Variants in VTCN1 observed in about 807,000 individuals in gnomAD.
VTCN1 encodes the protein V-set domain-containing T-cell activation inhibitor 1.
Under a neutral mutation model 26.5 loss-of-function variants are expected in VTCN1, and 26 were observed. The ratio of observed to expected loss-of-function variants is 0.98; its 90% CI spans 0.72 to 1.36. VTCN1 has a LOEUF of 1.36. VTCN1 is among the 40% of genes most tolerant of loss of function. VTCN1 has a pLI of 0.00. For missense variants in VTCN1, 298 were observed against 337.7 expected (o/e 0.88, Z 0.92); for synonymous variants, 116 against 130.7 (o/e 0.89, Z 0.77).
chr1:117,207,069 G>T (rs114957881), intron 1 of VTCN1, among the ~76,000 whole-genome samples: 3,165 of 152,218 alleles, frequency 0.021, 52 homozygotes, highest in South Asian at 0.036. Flanking sequence ...CCATGGTGTT[G>T]CGAGGCACTG....
In VTCN1 at chr1:117,174,537, C is replaced by T. The variant is rs565921056; in HGVS notation, c.33-4366G>A. ...ATCCCAGCACTTTGGGAGGCCGAGG[C>T]GGGCGGATTACCTGAGGTCAGGAGT... is the stretch of plus-strand genomic sequence containing the variant. On this transcript the variant is annotated intron_variant, in intron 1 of 5. Coordinates refer to ENST00000369458, the MANE Select transcript of VTCN1 (RefSeq NM_024626.4). Among the ~76,000 whole-genome samples the T allele has an allele frequency of 1.2e-3, 180 of 152,280 alleles. 1 individual carries two copies. The highest frequency in any genetic ancestry group is 2.2e-3 in the Non-Finnish European group (153 of 68,024).
At chr1:117,203,240 C>T (rs1648875576) in intron 1 of VTCN1, among the ~76,000 whole-genome samples, 1 of 151,016 alleles carries the variant, frequency 6.6e-6, no homozygotes, top group Admixed American at 6.6e-5. Flanking sequence ...TCATCTGAGG[C>T]TGGGGTGGGG....
chr1:117,158,347 G>A (rs1033037168), intron 2 of VTCN1, among the ~76,000 whole-genome samples: 2 of 152,210 alleles, frequency 1.3e-5, no homozygotes, highest in African/African-American at 4.8e-5. Flanking sequence ...TGAAATCTAG[G>A]TGGAGGTTCG....
intron 3 of VTCN1, among the ~76,000 whole-genome samples, chr1:117,156,198 T>G (rs551576938): frequency 6.6e-6 from 1 of 152,224 alleles, no homozygotes; most frequent in Non-Finnish European, 1.5e-5. Flanking sequence ...CTCACTGTCA[T>G]GAGTCTCTGA....
At chr1:117,207,542 A>AC (rs1357454522) in intron 1 of VTCN1, among the ~76,000 whole-genome samples, 1 of 151,464 alleles carries the variant, frequency 6.6e-6, no homozygotes, top group Non-Finnish European at 1.5e-5. Context: ...CGTAGGAGCC[A>AC]CCCCCTATGA....
intron 3 of VTCN1, among the ~76,000 whole-genome samples, chr1:117,154,793 AAAAAAAAAAAGAAAGAAAAGAAAAAAAAG>A (rs1406687481): frequency 2.0e-5 from 3 of 151,442 alleles, no homozygotes; most frequent in Non-Finnish European, 4.4e-5. Flanking sequence ...CAAAAAAAAA[AAAAAAAAAAAGAAAGAAAAGAAAAAAAAG>A]AAAAAACGGA....
rs111553149 is a variant in VTCN1 at position 117,210,546 on chromosome 1, C to A, written c.32+278G>T. 4.8e-3 allele frequency among the ~76,000 whole-genome samples: 735 copies of A among 152,290 alleles called. 1 individual carries two copies. The highest frequency in any genetic ancestry group is 0.017 in the African/African-American group (702 of 41,566). ...GGGAATGCCCAGCTTGGCACGTACTCCCCTCAGTCCAAGCTGCCCAGCAAG... is the reference window on the plus strand; with the variant it reads ...GGGAATGCCCAGCTTGGCACGTACTACCCTCAGTCCAAGCTGCCCAGCAAG... On this transcript the variant is annotated intron_variant, in intron 1 of 5. Transcript: ENST00000369458.
At chr1:117,178,562 C>G (rs1647500309) in intron 1 of VTCN1, among the ~76,000 whole-genome samples, 1 of 145,408 alleles carries the variant, frequency 6.9e-6, no homozygotes, top group East Asian at 2.0e-4. Context: ...CGCACCTGGC[C>G]TTCAGTGTTT....
Position 117,159,987 on chromosome 1 carries a change from G to C in VTCN1, c.98-3066C>G, listed in dbSNP as rs2101479823. ...CCTACAGCCTACCCAGTCAAGGAAGGATCAATCAGCTGTTCATTGTACACT... is the reference window on the plus strand; with the variant it reads ...CCTACAGCCTACCCAGTCAAGGAAGCATCAATCAGCTGTTCATTGTACACT... On this transcript the variant is annotated intron_variant, in intron 2 of 5. Transcript: ENST00000369458. This position sits in a 1 kb window ranked among gnomAD's most constrained non-coding sequence, Gnocchi z 4.7. 6.6e-6 allele frequency among the ~76,000 whole-genome samples: 1 copy of C among 152,298 alleles called. No homozygotes were observed. The highest frequency in any genetic ancestry group is 1.9e-4 in the East Asian group (1 of 5,180).
intron 1 of VTCN1, among the ~76,000 whole-genome samples, chr1:117,179,804 T>G (rs1647581155): frequency 6.6e-6 from 1 of 152,218 alleles, no homozygotes; most frequent in African/African-American, 2.4e-5. Context: ...GTACACTGCC[T>G]CATCGATCTA....
intron 1 of VTCN1, among the ~76,000 whole-genome samples, chr1:117,202,961 C>T (rs886868665): frequency 2.0e-5 from 3 of 152,112 alleles, no homozygotes; most frequent in East Asian, 1.9e-4. Context: ...TCCTGATACA[C>T]GGGTTGCATG....
rs1393228857 is a variant in VTCN1, at chr1:117,144,068, A to G, written c.*1203T>C. The G allele has an allele frequency of 1.3e-5, 2 of 152,218 alleles. No individual in the cohort carries two copies. Among genetic ancestry groups the G allele is most frequent in the Non-Finnish European group, 2.9e-5 (2 of 68,050 alleles). The allele number at this position is 152,218 out of a possible 1,614,324, so 9.4% of individuals were successfully genotyped here. A position where few individuals can be genotyped will look rare whatever the true frequency, so the allele number is the denominator to read the frequency against. Reference sequence around the variant, plus strand: ...GAGATGTTATCCTGGTGCCCGATAGAGTTCTGGCTCTCTGTGCTGAGGCAG... The same window carrying G: ...GAGATGTTATCCTGGTGCCCGATAGGGTTCTGGCTCTCTGTGCTGAGGCAG... On this transcript the variant is annotated 3_prime_UTR_variant, in exon 6 of 6. Coordinates refer to ENST00000369458, the MANE Select transcript of VTCN1 (RefSeq NM_024626.4).
intron 2 of VTCN1, among the ~76,000 whole-genome samples, chr1:117,168,634 G>C (rs929009809): frequency 6.6e-6 from 1 of 152,160 alleles, no homozygotes; most frequent in Non-Finnish European, 1.5e-5. Context: ...GAGTAGAAGA[G>C]ATTTGGTGAT....
At chr1:117,173,258 C>A in intron 1 of VTCN1, 1 of 700,032 alleles carries the variant, frequency 1.4e-6, no homozygotes. Context: ...ATTCCGGACA[C>A]AATTGCAGAT....
At position 117,175,218 on chromosome 1, in the gene VTCN1, G is replaced by C. The variant is rs972385936; in HGVS notation, c.33-5047C>G. ...GGGAAAATAGGCTTAAAGGCAGAGC[G>C]CTCGAAACCTATGCGACTTTGTAAT... is the stretch of plus-strand genomic sequence containing the variant. On this transcript the variant is annotated intron_variant, in intron 1 of 5. Transcript: ENST00000369458. This position sits in a 1 kb window ranked among gnomAD's most constrained non-coding sequence, Gnocchi z 4.2. Among the ~76,000 whole-genome samples, 1 of 152,200 alleles carries C rather than the reference G, an allele frequency of 6.6e-6. No individual in the cohort carries two copies. Among genetic ancestry groups the C allele is most frequent in the South Asian group, 2.1e-4 (1 of 4,834 alleles).
At chr1:117,193,400 G>A (rs1648347632) in intron 1 of VTCN1, among the ~76,000 whole-genome samples, 1 of 152,098 alleles carries the variant, frequency 6.6e-6, no homozygotes, top group South Asian at 2.1e-4. Context: ...GTGAAGAAAT[G>A]GAAAGATATT....
chr1:117,169,633 C>A lies in VTCN1; in HGVS notation c.97+474G>T, dbSNP rs142273294. On this transcript the variant is annotated intron_variant, in intron 2 of 5. Coordinates refer to ENST00000369458, the MANE Select transcript of VTCN1 (RefSeq NM_024626.4). This position sits in a 1 kb window ranked among gnomAD's most constrained non-coding sequence, Gnocchi z 4.0. ...CTAGCCTGGGCACGGTGGCTCAGGC[C>A]GGCAATCCCAGCACTTTGGGAGGCC... Among the ~76,000 whole-genome samples, 1 of 152,172 alleles carries A rather than the reference C, an allele frequency of 6.6e-6. No homozygotes were observed. The highest frequency in any genetic ancestry group is 1.9e-4 in the East Asian group (1 of 5,194).
At chr1:117,205,228 C>T (rs1022163094) in intron 1 of VTCN1, among the ~76,000 whole-genome samples, 1 of 151,254 alleles carries the variant, frequency 6.6e-6, no homozygotes, top group Admixed American at 6.6e-5. Context: ...CCAATGATGG[C>T]TCACTGCAAC....
intron 1 of VTCN1, among the ~76,000 whole-genome samples, chr1:117,205,427 T>G (rs929241472): frequency 7.2e-5 from 11 of 152,100 alleles, no homozygotes; most frequent in Non-Finnish European, 1.6e-4. Flanking sequence ...CCTTCCAAAG[T>G]GCTGAGATTA....
Sources: allele counts gnomAD v4.1 joint callset (sites outside exome capture counted in the v4.1 genomes callset), GRCh38; gene constraint gnomAD v4.1.1; non-coding constraint Gnocchi (gnomAD v3.1); transcripts MANE v1.5; gene names NCBI Gene and HGNC (gene_info 2026-07-23, HGNC 2026-07-21).